Variants in TM4SF20 observed in about 807,000 individuals in gnomAD.
TM4SF20 encodes transmembrane 4 L6 family member 20.
TM4SF20 carries 13 observed loss-of-function variants against 15.1 expected under a neutral mutation model. The ratio of observed to expected loss-of-function variants is 0.86; its 90% CI spans 0.56 to 1.36. The LOEUF (loss-of-function observed/expected upper bound fraction) is 1.36, where lower values mean the gene tolerates loss of function less well. Ranked by LOEUF, TM4SF20 falls within the 40% of genes most tolerant of loss-of-function variation. The pLI is 0.00. For missense variants in TM4SF20, 282 were observed against 268.4 expected (o/e 1.05, Z -0.35); for synonymous variants, 92 against 96.6 (o/e 0.95, Z 0.28).
At chr2:227,376,962 C>T (rs1298662399) in intron 1 of TM4SF20, among the ~76,000 whole-genome samples, 1 of 152,190 alleles carries the variant, frequency 6.6e-6, no homozygotes, top group Non-Finnish European at 1.5e-5. Context: ...AGTAGCTGGC[C>T]TTTGGCAGAC....
In TM4SF20 at chr2:227,379,163, C is replaced by T. The variant is rs751000578; in HGVS notation, c.106G>A (p.Glu36Lys). ...GGGTTTTGAGAAAATTGGTCTTCCTCAACTAAGCTGACAATTAGAGGTATC... is the reference window on the plus strand; with the variant it reads ...GGGTTTTGAGAAAATTGGTCTTCCTTAACTAAGCTGACAATTAGAGGTATC... ...NAIPLIVSLVEEDQFSQNPIS... is the reference protein window; with the variant it reads ...NAIPLIVSLVKEDQFSQNPIS... Residue 36 changes from glutamate (E) to lysine (K), a missense_variant, in exon 1 of 4, where the codon GAG becomes AAG. Coordinates refer to ENST00000304568, the MANE Select transcript of TM4SF20 (RefSeq NM_024795.4). The T allele has an allele frequency of 5.6e-6, 9 of 1,614,208 alleles. No individual in the cohort carries two copies. The highest frequency in any genetic ancestry group is 6.8e-6 in the Non-Finnish European group (8 of 1,180,038).
rs1338505895 is a variant in TM4SF20 at position 227,366,147 on chromosome 2, C to T, written c.347G>A (p.Cys116Tyr). ...GGCATTACTGTTGCTTGGAGAATTACACATGAGAGGACCTTTTAAGAGAGC... is the reference window on the plus strand; with the variant it reads ...GGCATTACTGTTGCTTGGAGAATTATACATGAGAGGACCTTTTAAGAGAGC... ...IQALLKGPLM[C>Y]NSPSNSNANC... is the part of the protein sequence containing the mutation. Residue 116 changes from cysteine to tyrosine, a missense_variant, in exon 3 of 4, where the codon TGT (cysteine) becomes TAT (tyrosine). Transcript: ENST00000304568. The T allele has an allele frequency of 1.2e-6, 2 of 1,613,942 alleles. No individual in the cohort carries two copies. Among genetic ancestry groups the T allele is most frequent in the Non-Finnish European group, 1.7e-6 (2 of 1,180,022 alleles).
rs1234743944 is a variant in TM4SF20 at position 227,362,182 on chromosome 2, A to G, written c.*1542T>C. On this transcript the variant is annotated 3_prime_UTR_variant, in exon 4 of 4. Coordinates refer to ENST00000304568, the MANE Select transcript of TM4SF20 (RefSeq NM_024795.4). Reference sequence around the variant, plus strand: ...TTTAGATTTTTAGCTTTGCTGTTTTACAACATTTTAATGTGATAAATACCC... The same window carrying G: ...TTTAGATTTTTAGCTTTGCTGTTTTGCAACATTTTAATGTGATAAATACCC... 1 of 152,242 alleles carries G rather than the reference A, an allele frequency of 6.6e-6. No homozygotes were observed. Among genetic ancestry groups the G allele is most frequent in the Non-Finnish European group, 1.5e-5 (1 of 68,034 alleles). The allele number at this position is 152,242 out of a possible 1,614,324, so 9.4% of individuals were successfully genotyped here. A position where few individuals can be genotyped will look rare whatever the true frequency, so the allele number is the denominator to read the frequency against.
Position 227,363,599 on chromosome 2 carries a change from G to C in TM4SF20, c.*125C>G. 1 of 891,766 alleles carries C rather than the reference G, an allele frequency of 1.1e-6. No individual in the cohort carries two copies. The highest frequency in any genetic ancestry group is 1.7e-6 in the Non-Finnish European group (1 of 591,256). The allele number at this position is 891,766 out of a possible 1,614,324, so 55.2% of individuals were successfully genotyped here. On this transcript the variant is annotated 3_prime_UTR_variant, in exon 4 of 4. Coordinates refer to ENST00000304568, the MANE Select transcript of TM4SF20 (RefSeq NM_024795.4). ...TCAACCACTGATATGAGAGTGTTAT[G>C]CATTTACAACGTGCTTTCTACGTGA...
intron 1 of TM4SF20, among the ~76,000 whole-genome samples, chr2:227,376,902 C>T (rs1413358388): frequency 1.3e-5 from 2 of 152,196 alleles, no homozygotes; most frequent in Non-Finnish European, 2.9e-5. Context: ...ATAATAAATG[C>T]ACACATTATT....
chr2:227,378,965 A>G (rs773326015), intron 1 of TM4SF20, 121 bp downstream of exon 1: 9 of 896,980 alleles, frequency 1.0e-5, no homozygotes, highest in Non-Finnish European at 8.5e-6. Flanking sequence ...ATGCCATACT[A>G]CTGCTCCAAA....
chr2:227,366,716 C>CAAAAAAAAAAAAAAAAAAAA lies in TM4SF20; in HGVS notation c.250-492_250-473dup, dbSNP rs59401554. Among the ~76,000 whole-genome samples the CAAAAAAAAAAAAAAAAAAAA allele has an allele frequency of 5.9e-5, 4 of 68,190 alleles. 1 individual carries two copies. The highest frequency in any genetic ancestry group is 2.5e-4 in the Admixed American group (1 of 4,038). 44.7% of individuals were successfully genotyped at this position (68,190 alleles called of 152,430 possible). A position where few individuals can be genotyped will look rare whatever the true frequency, so the allele number is the denominator to read the frequency against. On this transcript the variant is annotated intron_variant, in intron 2 of 3. Transcript: ENST00000304568. ...GCTGGGTGACAGAGCAAGACTCTGT[C>CAAAAAAAAAAAAAAAAAAAA]AAAAAAAAAAAAAAAAAAAAAAAAA...
intron 2 of TM4SF20, among the ~76,000 whole-genome samples, chr2:227,369,618 G>A (rs751492135): frequency 2.6e-5 from 4 of 151,810 alleles, no homozygotes; most frequent in Non-Finnish European, 5.9e-5. Flanking sequence ...TAGTAGAGAC[G>A]GGGTTTCACC....
chr2:227,366,709 ACT>A (rs1250002269), intron 2 of TM4SF20, among the ~76,000 whole-genome samples: 1 of 96,336 alleles, frequency 1.0e-5, no homozygotes, highest in Non-Finnish European at 1.9e-5. Flanking sequence ...ACAGAGCAAG[ACT>A]CTGTCAAAAA....
upstream of TM4SF20, chr2:227,379,421 A>G: frequency 1.8e-6 from 1 of 558,666 alleles, no homozygotes; most frequent in Non-Finnish European, 3.0e-6. Context: ...CATTATTATG[A>G]TGACTATGAT....
intron 3 of TM4SF20, among the ~76,000 whole-genome samples, chr2:227,365,212 T>C (rs1006957448): frequency 6.6e-6 from 1 of 152,222 alleles, no homozygotes; most frequent in African/African-American, 2.4e-5. Flanking sequence ...TGCCTGGCCT[T>C]CCTTGGGTTT....
chr2:227,366,716 CAAAAA>C (rs59401554), intron 2 of TM4SF20, among the ~76,000 whole-genome samples: 4 of 68,222 alleles, frequency 5.9e-5, no homozygotes, highest in Non-Finnish European at 1.1e-4. Flanking sequence ...AAGACTCTGT[CAAAAA>C]AAAAAAAAAA....
chr2:227,367,489 C>T (rs750549665), intron 2 of TM4SF20, among the ~76,000 whole-genome samples: 32 of 151,246 alleles, frequency 2.1e-4, no homozygotes, highest in South Asian at 2.1e-4. Context: ...GCCTGGGCAA[C>T]GTAGTAAGAG....
intron 1 of TM4SF20, among the ~76,000 whole-genome samples, chr2:227,371,879 G>C (rs1332240844): frequency 3.3e-5 from 5 of 152,142 alleles, no homozygotes; most frequent in African/African-American, 1.2e-4. Context: ...TTGATGCTCA[G>C]AAATCTATAG....
chr2:227,373,041 A>G (rs1466421591), intron 1 of TM4SF20, among the ~76,000 whole-genome samples: 1 of 151,714 alleles, frequency 6.6e-6, no homozygotes, highest in Non-Finnish European at 1.5e-5. Flanking sequence ...TTCCACACTG[A>G]CTCAAGTCTT....
rs1390404096 is a variant in TM4SF20 at position 227,363,796 on chromosome 2, C to G, written c.618G>C (p.Gly206=). Residue 206 remains glycine (G), a synonymous_variant, in exon 4 of 4, where the codon GGG becomes GGC. Coordinates refer to ENST00000304568, the MANE Select transcript of TM4SF20 (RefSeq NM_024795.4). ...GGAAACCGATGACTATCTGACTGAG[C>G]CCAAACAGGACCTCCAGAATTCCAA... ...LLVGILEVLF[G]LSQIVIGFLG... The G allele has an allele frequency of 6.2e-7, 1 of 1,614,122 alleles. No individual in the cohort carries two copies. The highest frequency in any genetic ancestry group is 2.2e-5 in the East Asian group (1 of 44,878).
intron 2 of TM4SF20, among the ~76,000 whole-genome samples, chr2:227,369,427 C>CT (rs57148409): frequency 0.72 from 89,508 of 124,678 alleles, 32,894 homozygotes; most frequent in South Asian, 0.83. Flanking sequence ...CCCCATCTGT[C>CT]TTTTTTTTTT....
chr2:227,364,925 T>G (rs1032427975), intron 3 of TM4SF20, among the ~76,000 whole-genome samples: 34 of 152,212 alleles, frequency 2.2e-4, no homozygotes, highest in African/African-American at 7.7e-4. Flanking sequence ...TTGGCTTTGT[T>G]TTTGAGACAC....
chr2:227,363,547 T>C lies in TM4SF20; in HGVS notation c.*177A>G. The C allele has an allele frequency of 1.5e-6, 1 of 651,208 alleles. No homozygotes were observed. Among genetic ancestry groups the C allele is most frequent in the Non-Finnish European group, 2.6e-6 (1 of 389,898 alleles). 40.3% of individuals were successfully genotyped at this position (651,208 alleles called of 1,614,324 possible). ...TTTGAATAGTACAACACAAAACTAA[T>C]TGAAAATTCTCTCCACCTTTCCCAA... is the stretch of plus-strand genomic sequence containing the variant. On this transcript the variant is annotated 3_prime_UTR_variant, in exon 4 of 4. Coordinates refer to ENST00000304568, the MANE Select transcript of TM4SF20 (RefSeq NM_024795.4).
Sources: gnomAD v4.1 joint callset for allele counts (sites outside exome capture counted in the v4.1 genomes callset) on GRCh38, gnomAD v4.1.1 for gene constraint, MANE v1.5 for transcripts, NCBI Gene and HGNC (gene_info 2026-07-23, HGNC 2026-07-21) for gene names.